Variants in RHOD observed in about 807,000 individuals in gnomAD.
RHOD encodes ras homolog family member D.
RHOD carries 11 observed loss-of-function variants against 16.7 expected under a neutral mutation model. The observed-to-expected ratio is 0.66, with a 90% CI of 0.41 to 1.09. The LOEUF is 1.09. Among genes scored for constraint, RHOD ranks in the 50% least tolerant of loss-of-function variants. The probability of loss-of-function intolerance (pLI) is 0.00; values close to 1 mark genes in which losing one functional copy is unlikely to be tolerated. For missense variants in RHOD, 271 were observed against 291.7 expected (o/e 0.93, Z 0.52); for synonymous variants, 124 against 126.3 (o/e 0.98, Z 0.12).
intron 1 of RHOD, among the ~76,000 whole-genome samples, chr11:67,057,282 G>C (rs1234033304): frequency 1.3e-5 from 2 of 152,232 alleles, no homozygotes; most frequent in Admixed American, 1.3e-4. Flanking sequence ...GAGGCGACCT[G>C]GGTGCACACA....
At position 67,071,902 on chromosome 11, in the gene RHOD, C is replaced by T. The variant is rs1036821505; in HGVS notation, c.*300C>T. 5.2e-5 allele frequency: 19 copies of T among 368,860 alleles called. No homozygotes were observed. Among genetic ancestry groups the T allele is most frequent in the African/African-American group, 1.7e-4 (8 of 47,858 alleles). The allele number at this position is 368,860 out of a possible 1,614,324, so 22.8% of individuals were successfully genotyped here. On this transcript the variant is annotated 3_prime_UTR_variant, in exon 5 of 5. Coordinates refer to ENST00000308831, the MANE Select transcript of RHOD (RefSeq NM_014578.4). ...AGCCTGATGCCCCCTCGTGGCTGCT[C>T]CCAGGGCTGCACCTGCCAGGACCTA...
At chr11:67,062,114 G>A (rs1352693186) in intron 1 of RHOD, among the ~76,000 whole-genome samples, 1 of 152,078 alleles carries the variant, frequency 6.6e-6, no homozygotes, top group Non-Finnish European at 1.5e-5. Context: ...TTTGCTTGGG[G>A]ACACAGCCAA....
chr11:67,065,960 A>G lies in RHOD; in HGVS notation c.197A>G (p.His66Arg), dbSNP rs11227675. The G allele has an allele frequency of 3.3e-4, 481 of 1,441,426 alleles. 1 individual carries two copies. Among genetic ancestry groups the G allele is most frequent in the Non-Finnish European group, 3.6e-5 (38 of 1,070,288 alleles). 89.3% of individuals were successfully genotyped at this position (1,441,426 alleles called of 1,614,324 possible). ...VNLQVKGKPV[H>R]LHIWDTAGQD... Reference sequence around the variant, plus strand: ...CTGCAAGTGAAAGGCAAACCTGTGCACCTCCACATCTGGGACACAGCAGGT... The same window carrying G: ...CTGCAAGTGAAAGGCAAACCTGTGCGCCTCCACATCTGGGACACAGCAGGT... The change falls in exon 2 of 5, where the codon CAC (histidine) becomes CGC (arginine). Residue 66 changes from histidine to arginine, a missense_variant. Transcript: ENST00000308831.
chr11:67,066,003 GC>G lies in RHOD; in HGVS notation c.220+21del. On this transcript the variant is annotated intron_variant, in intron 2 of 4. Transcript: ENST00000308831. ...CAGCAGGTGGGTGTGCAGGGGTGGGGCAGGGTGGGAGGGGCTTCTGTGGGCC... is the reference window on the plus strand; with the variant it reads ...CAGCAGGTGGGTGTGCAGGGGTGGGGAGGGTGGGAGGGGCTTCTGTGGGCC... 2 of 1,304,118 alleles carry G rather than the reference GC, an allele frequency of 1.5e-6. No homozygotes were observed. The highest frequency in any genetic ancestry group is 1.1e-6 in the Non-Finnish European group (1 of 901,952). 80.8% of individuals were successfully genotyped at this position (1,304,118 alleles called of 1,614,324 possible).
At chr11:67,060,136 G>A (rs975904701) in intron 1 of RHOD, among the ~76,000 whole-genome samples, 4 of 152,214 alleles carry the variant, frequency 2.6e-5, no homozygotes, top group African/African-American at 9.6e-5. Flanking sequence ...GAGGTGGCAG[G>A]GAGCACCCGG....
Position 67,057,031 on chromosome 11 carries a change from C to G in RHOD, c.129C>G (p.Pro43=). The change falls in exon 1 of 5, where the codon CCC becomes CCG. Residue 43 remains proline (P), a synonymous_variant. Coordinates refer to ENST00000308831, the MANE Select transcript of RHOD (RefSeq NM_014578.4). The part of the protein sequence containing the change: ...LLMVFADGAF[P]ESYTPTVFER... ...TGGTCTTCGCCGATGGGGCCTTCCC[C>G]GAGGTGAGTGCCCCGCGCCTCCGCC... 1 of 1,479,766 alleles carries G rather than the reference C, an allele frequency of 6.8e-7. No homozygotes were observed. The highest frequency in any genetic ancestry group is 8.9e-7 in the Non-Finnish European group (1 of 1,126,768). 91.7% of individuals were successfully genotyped at this position (1,479,766 alleles called of 1,614,324 possible). A position where few individuals can be genotyped will look rare whatever the true frequency, so the allele number is the denominator to read the frequency against.
At position 67,065,948 on chromosome 11, in the gene RHOD, G is replaced by C. The variant is rs750193877; in HGVS notation, c.185G>C (p.Gly62Ala). 6.9e-7 allele frequency: 1 copy of C among 1,450,566 alleles called. No homozygotes were observed. Among genetic ancestry groups the C allele is most frequent in the Non-Finnish European group, 9.3e-7 (1 of 1,077,974 alleles). The allele number at this position is 1,450,566 out of a possible 1,614,324, so 89.9% of individuals were successfully genotyped here. A position where few individuals can be genotyped will look rare whatever the true frequency, so the allele number is the denominator to read the frequency against. The change falls in exon 2 of 5, where the codon GGC (glycine) becomes GCC (alanine). Residue 62 changes from glycine (G) to alanine (A), a missense_variant. Gly to Ala is a moderately conservative substitution (Grantham distance 60). Transcript: ENST00000308831. ...TACATGGTCAACCTGCAAGTGAAAGGCAAACCTGTGCACCTCCACATCTGG... is the reference window on the plus strand; with the variant it reads ...TACATGGTCAACCTGCAAGTGAAAGCCAAACCTGTGCACCTCCACATCTGG... ...ERYMVNLQVK[G>A]KPVHLHIWDT...
rs759390703 is a variant in RHOD, at chr11:67,060,224, G to A, written c.132+3190G>A. ...TGGGTGTCCTAACCAGGGATGCCCC[G>A]ACACTCCCTCTTGAGCCAGGTCCCC... is the stretch of plus-strand genomic sequence containing the variant. On this transcript the variant is annotated intron_variant, in intron 1 of 4. Coordinates refer to ENST00000308831, the MANE Select transcript of RHOD (RefSeq NM_014578.4). 2.6e-5 allele frequency among the ~76,000 whole-genome samples: 4 copies of A among 152,304 alleles called. No homozygotes were observed. The South Asian group carries it at 6.2e-4, about 24-fold the overall frequency.
At chr11:67,065,819 C>A in intron 1 of RHOD, 77 bp from the exon 2 acceptor site, 2 of 914,540 alleles carry the variant, frequency 2.2e-6, no homozygotes, top group South Asian at 1.5e-5. Context: ...AAGGAGGGAG[C>A]AGCGCTGTGG....
intron 1 of RHOD, among the ~76,000 whole-genome samples, chr11:67,062,174 C>T (rs1420763697): frequency 2.6e-5 from 4 of 152,136 alleles, no homozygotes; most frequent in Non-Finnish European, 4.4e-5. Context: ...GACGGGGGCT[C>T]GTGTGGACAC....
intron 1 of RHOD, among the ~76,000 whole-genome samples, chr11:67,065,276 A>G (rs1454887754): frequency 6.6e-6 from 1 of 152,070 alleles, no homozygotes; most frequent in Non-Finnish European, 1.5e-5. Flanking sequence ...GGGTTTCACC[A>G]TGTTGGTCAG....
chr11:67,066,896 C>T (rs759425911), intron 3 of RHOD, 49 bp downstream of exon 3: 1 of 1,218,204 alleles, frequency 8.2e-7, no homozygotes, highest in Non-Finnish European at 1.2e-6. Context: ...CAGGCCACTC[C>T]ACTCTGCCAC....
intron 1 of RHOD, among the ~76,000 whole-genome samples, chr11:67,061,222 A>C (rs1238945569): frequency 6.6e-6 from 1 of 152,124 alleles, no homozygotes; most frequent in East Asian, 1.9e-4. Flanking sequence ...ACTATTGGCC[A>C]GGCGTGGTGG....
chr11:67,069,327 C>T (rs1159888120), intron 3 of RHOD, among the ~76,000 whole-genome samples: 1 of 152,126 alleles, frequency 6.6e-6, no homozygotes, highest in African/African-American at 2.4e-5. Flanking sequence ...TTGAGGCAGA[C>T]AGCTGCTGCA....
At chr11:67,070,366 G>A (rs1238835586) in intron 3 of RHOD, 59 bp from the exon 4 acceptor site, 9 of 1,583,910 alleles carry the variant, frequency 5.7e-6, no homozygotes, top group South Asian at 1.1e-5. Flanking sequence ...TCCACTGAGA[G>A]GGCCAGAACT....
intron 4 of RHOD, among the ~76,000 whole-genome samples, 155 bp from the exon 5 acceptor site, chr11:67,071,277 CATG>C (rs760254956): frequency 1.3e-5 from 2 of 152,050 alleles, no homozygotes; most frequent in African/African-American, 2.4e-5. Flanking sequence ...GAAAAACAAA[CATG>C]ATGAAGTGCA....
intron 4 of RHOD, 73 bp from the exon 5 acceptor site, chr11:67,071,362 G>T: frequency 3.5e-6 from 5 of 1,434,200 alleles, no homozygotes; most frequent in East Asian, 2.5e-5. Flanking sequence ...ACTCTTGTCC[G>T]GGAAAAGGAA....
chr11:67,070,881 A>G (rs1369586090), intron 4 of RHOD, among the ~76,000 whole-genome samples: 1 of 152,104 alleles, frequency 6.6e-6, no homozygotes, highest in Non-Finnish European at 1.5e-5. Context: ...GTCTGGGTTC[A>G]TGGGAAGTTC....
At chr11:67,058,046 G>C (rs1230321872) in intron 1 of RHOD, among the ~76,000 whole-genome samples, 1 of 152,110 alleles carries the variant, frequency 6.6e-6, no homozygotes, top group Non-Finnish European at 1.5e-5. Flanking sequence ...CCAGGCTGGA[G>C]TGATATTGGC....
Sources: allele counts gnomAD v4.1 joint callset (sites outside exome capture counted in the v4.1 genomes callset), GRCh38; gene constraint gnomAD v4.1.1; transcripts MANE v1.5; gene names NCBI Gene and HGNC (gene_info 2026-07-23, HGNC 2026-07-21).